The following AGMO variants were observed in gnomAD, a reference collection of about 807,000 sequenced individuals.
AGMO encodes the protein glyceryl-ether monooxygenase.
In AGMO, 75 loss-of-function variants were observed where a neutral mutation model predicts 60.2. The observed-to-expected ratio is 1.25, with a 90% CI of 1.03 to 1.51. The LOEUF is 1.51. Ranked by LOEUF, AGMO falls within the 40% of genes most tolerant of loss-of-function variation. AGMO has a pLI of 0.00. For missense variants in AGMO, 763 were observed against 525.5 expected, an observed-to-expected ratio of 1.45 and a Z score of -4.42; for synonymous variants, 261 against 177.1, an observed-to-expected ratio of 1.47 and a Z score of -3.76.
chr7:15,460,213 T>A (rs1299514346), intron 3 of AGMO, among the ~76,000 whole-genome samples: 1 of 150,444 alleles, frequency 6.6e-6, no homozygotes, highest in Non-Finnish European at 1.5e-5. Context: ...TTCAAGAGAC[T>A]CTCCTGCCTC....
intron 12 of AGMO, among the ~76,000 whole-genome samples, chr7:15,228,075 C>T (rs146209887): frequency 1.2e-4 from 19 of 152,188 alleles, no homozygotes; most frequent in African/African-American, 4.6e-4. Flanking sequence ...ATAAACTCTG[C>T]TTATTTTAAT....
chr7:15,277,099 G>A (rs1385799635), intron 12 of AGMO, among the ~76,000 whole-genome samples: 2 of 151,932 alleles, frequency 1.3e-5, no homozygotes, highest in African/African-American at 2.4e-5. Context: ...CCCGAGATCA[G>A]GAGTTCTAGA....
At chr7:15,464,698 T>C (rs1782232830) in intron 3 of AGMO, among the ~76,000 whole-genome samples, 1 of 152,180 alleles carries the variant, frequency 6.6e-6, no homozygotes, top group African/African-American at 2.4e-5. Context: ...ACATTGCTTG[T>C]AGACAAGACA....
At chr7:15,400,923 T>A (rs1784536410) in intron 5 of AGMO, among the ~76,000 whole-genome samples, 1 of 152,112 alleles carries the variant, frequency 6.6e-6, no homozygotes, top group South Asian at 2.1e-4. Flanking sequence ...CTTTTGAGAA[T>A]CCTTATGATC....
At chr7:15,361,471 C>T (rs191662824) in intron 12 of AGMO, among the ~76,000 whole-genome samples, 12 of 141,258 alleles carry the variant, frequency 8.5e-5, no homozygotes, top group Admixed American at 3.8e-4. Flanking sequence ...ACCTGGGAGG[C>T]GGAGCTTGCA....
chr7:15,447,115 A>C (rs553965892), intron 3 of AGMO, among the ~76,000 whole-genome samples: 1 of 152,322 alleles, frequency 6.6e-6, no homozygotes, highest in South Asian at 2.1e-4. Flanking sequence ...TAAGTTCCAG[A>C]CATTTTTAGC....
At chr7:15,537,900 C>G (rs1784521860) in intron 3 of AGMO, among the ~76,000 whole-genome samples, 2 of 151,908 alleles carry the variant, frequency 1.3e-5, no homozygotes, top group African/African-American at 4.8e-5. Context: ...TAATGGTGAC[C>G]TTTCCAGTTC....
chr7:15,398,089 T>A (rs572577026), intron 5 of AGMO, among the ~76,000 whole-genome samples: 1 of 152,274 alleles, frequency 6.6e-6, no homozygotes, highest in South Asian at 2.1e-4. Context: ...CCCTTGTTTG[T>A]TTCTTTGGTG....
chr7:15,353,075 G>C (rs1782317891), intron 12 of AGMO, among the ~76,000 whole-genome samples: 1 of 152,164 alleles, frequency 6.6e-6, no homozygotes. Flanking sequence ...ATGTAGGACA[G>C]GTGATTATTT....
At chr7:15,379,526 A>G (rs1030953670) in intron 10 of AGMO, among the ~76,000 whole-genome samples, 1 of 152,070 alleles carries the variant, frequency 6.6e-6, no homozygotes, top group Non-Finnish European at 1.5e-5. Flanking sequence ...TTTCCTGGAT[A>G]CATACACCCT....
intron 12 of AGMO, among the ~76,000 whole-genome samples, chr7:15,353,053 T>C (rs771922357): frequency 3.3e-5 from 5 of 151,870 alleles, no homozygotes; most frequent in Non-Finnish European, 7.3e-5. Flanking sequence ...CGCAGGCCCT[T>C]TGTTATTTCA....
chr7:15,120,178 G>A, the AGMO span, among the ~76,000 whole-genome samples: 4 of 151,788 alleles, frequency 2.6e-5, no homozygotes, highest in African/African-American at 9.7e-5. Context: ...TTCATTTACT[G>A]TCTCCACTTC....
chr7:15,535,215 A>G (rs1784458625), intron 3 of AGMO, among the ~76,000 whole-genome samples: 1 of 151,882 alleles, frequency 6.6e-6, no homozygotes, highest in African/African-American at 2.4e-5. Context: ...ATGGATTTAG[A>G]TGAACATTTC....
chr7:15,279,829 C>T (rs927153942), intron 12 of AGMO, among the ~76,000 whole-genome samples: 5 of 152,126 alleles, frequency 3.3e-5, no homozygotes, highest in East Asian at 1.9e-4. Context: ...TTCACCATAC[C>T]CAGTGCTGGA....
intron 2 of AGMO, among the ~76,000 whole-genome samples, chr7:15,548,435 G>A (rs559139120): frequency 1.5e-4 from 22 of 151,692 alleles, no homozygotes; most frequent in Admixed American, 3.9e-4. Flanking sequence ...TTAGAAGAAT[G>A]TATAACTAGA....
At chr7:15,273,499 G>C (rs1783680156) in intron 12 of AGMO, among the ~76,000 whole-genome samples, 1 of 152,186 alleles carries the variant, frequency 6.6e-6, no homozygotes, top group Non-Finnish European at 1.5e-5. Context: ...TTTGGTACCA[G>C]TACCATGCTG....
chr7:15,451,659 T>A (rs770482216), intron 3 of AGMO, among the ~76,000 whole-genome samples: 26 of 152,066 alleles, frequency 1.7e-4, no homozygotes, highest in Non-Finnish European at 1.3e-4. Context: ...TCAAAATGGG[T>A]TAAAGACCTT....
chr7:15,387,636 T>C, intron 8 of AGMO, 96 bp from the exon 9 acceptor site: 1 of 1,108,938 alleles, frequency 9.0e-7, no homozygotes, highest in East Asian at 2.6e-5. Flanking sequence ...TCAAGGTAAT[T>C]TACGTATTTA....
chr7:15,447,232 C>G (rs543964013), intron 3 of AGMO, among the ~76,000 whole-genome samples: 3 of 152,300 alleles, frequency 2.0e-5, no homozygotes, highest in African/African-American at 7.2e-5. Flanking sequence ...TTAATGACAT[C>G]TTGACCCTTT....
Sources: allele counts gnomAD v4.1 joint callset (sites outside exome capture counted in the v4.1 genomes callset), GRCh38; gene constraint gnomAD v4.1.1; transcripts MANE v1.5; gene names NCBI Gene and HGNC (gene_info 2026-07-23, HGNC 2026-07-21).